The following REV1 variants were observed in gnomAD, a reference collection of about 807,000 sequenced individuals.
REV1 encodes the protein translesion synthesis protein REV1.
REV1 carries 42 observed loss-of-function variants against 137.4 expected under a neutral mutation model. The ratio of observed to expected loss-of-function variants is 0.31; its 90% CI spans 0.24 to 0.40. The LOEUF is 0.40. REV1 is among the 10% of genes least tolerant of loss of function. The pLI is 1.00. For synonymous variants in REV1, 524 were observed against 519.2 expected (o/e 1.01, Z -0.12); for missense variants, 1,282 against 1,490.1 (o/e 0.86, Z 2.30).
At chr2:99,404,308 C>A in intron 18 of REV1, 136 bp downstream of exon 18, 2 of 643,606 alleles carry the variant, frequency 3.1e-6, no homozygotes, top group Non-Finnish European at 5.3e-6. Context: ...AGCCCACTCT[C>A]CCCTCCCCTC....
At chr2:99,483,084 C>G (rs1434005058) in intron 1 of REV1, among the ~76,000 whole-genome samples, 4 of 144,696 alleles carry the variant, frequency 2.8e-5, no homozygotes, top group Non-Finnish European at 4.5e-5. Context: ...ATTGTTAAAA[C>G]ATTTGTAAAG....
At position 99,406,045 on chromosome 2, in the gene REV1, T is replaced by C. The variant is rs969178273; in HGVS notation, c.2676A>G (p.Pro892=). 2 of 1,613,838 alleles carry C rather than the reference T, an allele frequency of 1.2e-6. No homozygotes were observed. Among genetic ancestry groups the C allele is most frequent in the Admixed American group, 3.3e-5 (2 of 59,944 alleles). ...SSASRTCTFL[P]PFPAHLPTSP... ...TGGTCGGCAGATGTGCAGGAAAAGG[T>C]GGCAAGAAAGTGCAAGTTCTAGAAG... Residue 892 remains proline (P), a synonymous_variant, in exon 17 of 23, where the codon CCA becomes CCG. Transcript: ENST00000258428.
At chr2:99,470,931 C>A (rs953117289) in intron 1 of REV1, among the ~76,000 whole-genome samples, 1 of 152,198 alleles carries the variant, frequency 6.6e-6, no homozygotes, top group African/African-American at 2.4e-5. Flanking sequence ...TTCTTTACAG[C>A]ACCAGGGAAC....
intron 11 of REV1, 25 bp from the exon 12 acceptor site, chr2:99,418,972 G>GA (rs1453990881): frequency 6.4e-7 from 1 of 1,556,998 alleles, no homozygotes; most frequent in Admixed American, 1.8e-5. Context: ...AGTCATCCAA[G>GA]AAATAGTCAC....
chr2:99,444,143 C>A (rs115586655), intron 4 of REV1, among the ~76,000 whole-genome samples: 1 of 152,176 alleles, frequency 6.6e-6, no homozygotes, highest in Non-Finnish European at 1.5e-5. Flanking sequence ...AATAGTTGGT[C>A]TCAATTGCCT....
intron 9 of REV1, among the ~76,000 whole-genome samples, chr2:99,428,750 C>T (rs1171483549): frequency 6.6e-6 from 1 of 152,154 alleles, no homozygotes; most frequent in African/African-American, 2.4e-5. Context: ...AATCCCAGCA[C>T]TTTGGGAGGC....
At chr2:99,464,420 A>G (rs28369946) in intron 2 of REV1, among the ~76,000 whole-genome samples, 5,593 of 152,314 alleles carry the variant, frequency 0.037, 174 homozygotes, top group Non-Finnish European at 0.053. Flanking sequence ...CCTATTCATT[A>G]AAACTTTGGG....
chr2:99,424,936 C>G (rs775983669), intron 9 of REV1: 184 of 1,276,142 alleles, frequency 1.4e-4, no homozygotes, highest in Non-Finnish European at 1.8e-4. Flanking sequence ...CTGTGTGTCT[C>G]AGTGCCCCAC....
chr2:99,419,977 CT>C lies in REV1; in HGVS notation c.1832-1031del, dbSNP rs1338434856. Among the ~76,000 whole-genome samples the C allele has an allele frequency of 9.2e-5, 14 of 152,220 alleles. No homozygotes were observed. The East Asian group carries it at 2.7e-3, about 29-fold the overall frequency. ...GTGAGTTCAGGGGAGGGGAAAGGCA[CT>C]GAGGAGTGGAAATATAAAGTGGGAC... On this transcript the variant is annotated intron_variant, in intron 11 of 22. Transcript: ENST00000258428.
At chr2:99,483,789 G>GA (rs1163773447) in intron 1 of REV1, among the ~76,000 whole-genome samples, 1 of 152,010 alleles carries the variant, frequency 6.6e-6, no homozygotes, top group Non-Finnish European at 1.5e-5. Flanking sequence ...GTAGCAGGGG[G>GA]AAAAAATGGC....
At chr2:99,459,746 G>T (rs538940405) in intron 3 of REV1, among the ~76,000 whole-genome samples, 7 of 152,132 alleles carry the variant, frequency 4.6e-5, no homozygotes, top group African/African-American at 1.2e-4. Flanking sequence ...AGGATAGAAG[G>T]CAAAGAAGTC....
chr2:99,455,908 ACAAACTTCAGCAGT>A (rs923709402), intron 3 of REV1, among the ~76,000 whole-genome samples: 12 of 152,234 alleles, frequency 7.9e-5, no homozygotes, highest in African/African-American at 2.9e-4. Context: ...CTGCTTTTTC[ACAAACTTCAGCAGT>A]GCCAAAATCA....
chr2:99,478,024 G>A (rs1454548910), intron 1 of REV1, among the ~76,000 whole-genome samples: 1 of 152,184 alleles, frequency 6.6e-6, no homozygotes. Flanking sequence ...CCTAAGGTCA[G>A]GAGTTCGAGA....
rs1682903632 is a variant in REV1 at position 99,451,351 on chromosome 2, A to C, written c.182-1847T>G. ...ATACTCATAAAGTACTCACCCGTCT[A>C]CTAGCTGCTCTTTGAAAACTAATTA... On this transcript the variant is annotated intron_variant, in intron 3 of 22. Coordinates refer to ENST00000258428, the MANE Select transcript of REV1 (RefSeq NM_016316.4). 6.3e-6 allele frequency: 8 copies of C among 1,272,782 alleles called. No individual in the cohort carries two copies. In the Admixed American group the frequency reaches 1.0e-4, roughly 16 times the overall value. 78.8% of individuals were successfully genotyped at this position (1,272,782 alleles called of 1,614,324 possible). A position where few individuals can be genotyped will look rare whatever the true frequency, so the allele number is the denominator to read the frequency against.
At chr2:99,485,147 A>C (rs971708365) in intron 1 of REV1, among the ~76,000 whole-genome samples, 9 of 152,246 alleles carry the variant, frequency 5.9e-5, no homozygotes, top group Non-Finnish European at 1.3e-4. Context: ...TCCTACAAAG[A>C]AGCATTTTAC....
At chr2:99,477,486 A>G (rs904414710) in intron 1 of REV1, among the ~76,000 whole-genome samples, 13 of 152,192 alleles carry the variant, frequency 8.5e-5, no homozygotes, top group African/African-American at 3.1e-4. Flanking sequence ...ATTACAGGAG[A>G]AAGAAAAACT....
At chr2:99,440,475 G>GA (rs1681343174) in intron 5 of REV1, among the ~76,000 whole-genome samples, 1 of 152,190 alleles carries the variant, frequency 6.6e-6, no homozygotes, top group African/African-American at 2.4e-5. Context: ...CCACAAGCTG[G>GA]ATGATCACCC....
chr2:99,482,770 C>T (rs529973364), intron 1 of REV1, among the ~76,000 whole-genome samples: 1 of 152,076 alleles, frequency 6.6e-6, no homozygotes, highest in Admixed American at 6.5e-5. Context: ...AAAATTTACA[C>T]TTTGGGAGGC....
chr2:99,419,747 A>G (rs1487521040), intron 11 of REV1, among the ~76,000 whole-genome samples: 1 of 152,244 alleles, frequency 6.6e-6, no homozygotes. Flanking sequence ...GGGCCACAGA[A>G]GCAGTGGAGG....
Sources: allele counts gnomAD v4.1 joint callset (sites outside exome capture counted in the v4.1 genomes callset), GRCh38; gene constraint gnomAD v4.1.1; transcripts MANE v1.5; gene names NCBI Gene and HGNC (gene_info 2026-07-23, HGNC 2026-07-21).